Variants in EEA1 observed in about 807,000 individuals in gnomAD.
EEA1 encodes the protein early endosome antigen 1, 162kD.
A neutral mutation model predicts 209.2 loss-of-function variants in EEA1; 111 were observed. The observed-to-expected ratio is 0.53, with a 90% confidence interval of 0.45 to 0.62. The LOEUF is 0.62. Ranked by LOEUF, EEA1 falls within the 20% of genes least tolerant of loss-of-function variation. The pLI is 0.00. For missense variants in EEA1, 1,343 were observed against 1,530.8 expected, an observed-to-expected ratio of 0.88 and a Z score of 2.05; for synonymous variants, 536 against 540.6, an observed-to-expected ratio of 0.99 and a Z score of 0.12.
At chr12:92,893,689 TA>T (rs1247365174) in intron 1 of EEA1, among the ~76,000 whole-genome samples, 1 of 152,194 alleles carries the variant, frequency 6.6e-6, no homozygotes, top group Non-Finnish European at 1.5e-5. Context: ...AAAATTCAAA[TA>T]ATGATTTCTG....
chr12:92,786,002 G>A (rs1380129813), intron 22 of EEA1, among the ~76,000 whole-genome samples: 1 of 152,168 alleles, frequency 6.6e-6, no homozygotes, highest in Non-Finnish European at 1.5e-5. Context: ...GTTGGTTCCT[G>A]TTACTAGCTT....
chr12:92,865,601 T>C (rs991926162), intron 2 of EEA1, among the ~76,000 whole-genome samples: 1 of 152,048 alleles, frequency 6.6e-6, no homozygotes, highest in Non-Finnish European at 1.5e-5. Context: ...TGGTTAAAAC[T>C]ACCAACTAGA....
At chr12:92,837,814 T>C (rs964307269) in intron 10 of EEA1, among the ~76,000 whole-genome samples, 1 of 152,226 alleles carries the variant, frequency 6.6e-6, no homozygotes, top group Non-Finnish European at 1.5e-5. Flanking sequence ...TGATACTACC[T>C]GTGACCCACA....
intron 15 of EEA1, among the ~76,000 whole-genome samples, chr12:92,815,349 T>C (rs1875729172): frequency 6.6e-6 from 1 of 152,198 alleles, no homozygotes. Flanking sequence ...ATTCACATTG[T>C]CACTAGACTC....
At chr12:92,845,532 T>C (rs1355273943) in intron 9 of EEA1, among the ~76,000 whole-genome samples, 1 of 152,142 alleles carries the variant, frequency 6.6e-6, no homozygotes, top group African/African-American at 2.4e-5. Flanking sequence ...ACTTTAACCT[T>C]CTCCTGGGAA....
rs573181426 is a variant in EEA1 at position 92,803,578 on chromosome 12, A to G, written c.2340-844T>C. Reference sequence around the variant, plus strand: ...ATTTGTAACCAATAAAAATAAGTCAATATGTTAAAGGGAGGTTGTTAAAAG... The same window carrying G: ...ATTTGTAACCAATAAAAATAAGTCAGTATGTTAAAGGGAGGTTGTTAAAAG... On this transcript the variant is annotated intron_variant, in intron 18 of 28. Coordinates refer to ENST00000322349, the MANE Select transcript of EEA1 (RefSeq NM_003566.4). 2.1e-3 allele frequency among the ~76,000 whole-genome samples: 321 copies of G among 152,148 alleles called. 1 individual carries two copies. Among genetic ancestry groups the G allele is most frequent in the African/African-American group, 7.5e-3 (312 of 41,504 alleles).
Position 92,789,280 on chromosome 12 carries a change from G to A in EEA1, c.2968-1231C>T, listed in dbSNP as rs377727207. ...ACTCCATCCTGGGCAACAGAGAGAC[G>A]CCATCTCAAAAAAAAAAAAGAAAGA... is the stretch of plus-strand genomic sequence containing the variant. On this transcript the variant is annotated intron_variant, in intron 21 of 28. Transcript: ENST00000322349. Among the ~76,000 whole-genome samples, 10 of 114,858 alleles carry A rather than the reference G, an allele frequency of 8.7e-5. No individual in the cohort carries two copies. In the South Asian group the frequency reaches 9.5e-4, roughly 11 times the overall value. 75.4% of individuals were successfully genotyped at this position (114,858 alleles called of 152,430 possible). A position where few individuals can be genotyped will look rare whatever the true frequency, so the allele number is the denominator to read the frequency against.
chr12:92,873,111 C>A (rs1379777284), intron 2 of EEA1, among the ~76,000 whole-genome samples: 1 of 152,148 alleles, frequency 6.6e-6, no homozygotes, highest in Non-Finnish European at 1.5e-5. Flanking sequence ...CAACCAATGC[C>A]TGATTATATG....
chr12:92,785,857 T>C (rs1286929965), intron 22 of EEA1, among the ~76,000 whole-genome samples: 1 of 152,146 alleles, frequency 6.6e-6, no homozygotes, highest in Non-Finnish European at 1.5e-5. Flanking sequence ...GCTTTCTCTT[T>C]TTGCCCATAT....
At chr12:92,800,490 T>C (rs1271098881) in intron 20 of EEA1, among the ~76,000 whole-genome samples, 9 of 152,306 alleles carry the variant, frequency 5.9e-5, no homozygotes, top group African/African-American at 1.7e-4. Context: ...AAAGTTACTT[T>C]TGAAAAAATG....
intron 13 of EEA1, chr12:92,821,090 C>T (rs191027561): frequency 6.6e-6 from 1 of 152,256 alleles, no homozygotes; most frequent in Non-Finnish European, 1.5e-5. Context: ...TTTAGTCTTT[C>T]TCTCAATCCC....
chr12:92,830,523 T>A (rs12296622), intron 11 of EEA1, among the ~76,000 whole-genome samples: 14,347 of 151,422 alleles, frequency 0.095, 787 homozygotes, highest in South Asian at 0.2. Flanking sequence ...AAAAAAAAAA[T>A]TATAAAAAGT....
intron 13 of EEA1, among the ~76,000 whole-genome samples, chr12:92,822,872 A>G (rs1876121501): frequency 6.6e-6 from 1 of 152,098 alleles, no homozygotes; most frequent in African/African-American, 2.4e-5. Flanking sequence ...AACACACCAC[A>G]TTCCCCTATG....
At chr12:92,849,453 A>C (rs1877518962) in intron 9 of EEA1, among the ~76,000 whole-genome samples, 1 of 152,202 alleles carries the variant, frequency 6.6e-6, no homozygotes. Context: ...TTATAGATTT[A>C]TCATTGTCTT....
intron 3 of EEA1, chr12:92,859,129 A>G: frequency 3.2e-6 from 4 of 1,268,162 alleles, no homozygotes; most frequent in Non-Finnish European, 4.6e-6. Context: ...GCTACTAGAG[A>G]TTATAAAGAA....
intron 1 of EEA1, among the ~76,000 whole-genome samples, chr12:92,899,131 A>C (rs1467146076): frequency 0.11 from 79 of 696 alleles, 1 homozygote; most frequent in Non-Finnish European, 0.19. Flanking sequence ...GCCAAAGGCA[A>C]AAAAAAAAAA....
intron 11 of EEA1, among the ~76,000 whole-genome samples, chr12:92,829,576 C>T (rs1201377865): frequency 1.3e-5 from 2 of 151,810 alleles, no homozygotes; most frequent in Admixed American, 6.6e-5. Context: ...CTCAAGAGTT[C>T]GAGACCAGCC....
intron 15 of EEA1, 31 bp from the exon 16 acceptor site, chr12:92,813,124 A>C (rs770802144): frequency 7.2e-7 from 1 of 1,389,930 alleles, no homozygotes; most frequent in Non-Finnish European, 9.9e-7. Flanking sequence ...TATTTAATTT[A>C]TATTTAGTTC....
chr12:92,873,679 C>A (rs1156235247), intron 2 of EEA1, among the ~76,000 whole-genome samples: 1 of 152,100 alleles, frequency 6.6e-6, no homozygotes, highest in Non-Finnish European at 1.5e-5. Flanking sequence ...TAGGCTTGGG[C>A]TTGAATCCTG....
Sources: allele counts gnomAD v4.1 joint callset (sites outside exome capture counted in the v4.1 genomes callset), GRCh38; gene constraint gnomAD v4.1.1; transcripts MANE v1.5; gene names NCBI Gene and HGNC (gene_info 2026-07-23, HGNC 2026-07-21).